Variants in ID2 observed in about 807,000 individuals in gnomAD.
The protein encoded by ID2 is inhibitor of DNA binding 2, also known as DNA-binding protein inhibitor ID-2.
A neutral mutation model predicts 8.3 loss-of-function variants in ID2; 2 were observed. That is an observed-to-expected ratio of 0.24 (90% confidence interval 0.10 to 0.76). The LOEUF (loss-of-function observed/expected upper bound fraction) is 0.76. Ranked by LOEUF, ID2 falls within the 30% of genes least tolerant of loss-of-function variation. The pLI is 0.73. For synonymous variants in ID2, 112 were observed against 72.3 expected (o/e 1.55, Z -2.79); for missense variants, 155 against 167.0 (o/e 0.93, Z 0.40).
Position 8,682,476 on chromosome 2 carries a change from C to T in ID2, c.311C>T (p.Thr104Ile), listed in dbSNP as rs911966418. The T allele has an allele frequency of 2.5e-6, 4 of 1,613,314 alleles. No individual in the cohort carries two copies. Among genetic ancestry groups the T allele is most frequent in the African/African-American group, 1.3e-5 (1 of 74,926 alleles). Residue 104 changes from threonine to isoleucine, a missense_variant, in exon 1 of 3, where the codon ACC (threonine) becomes ATC (isoleucine). By Grantham distance (89) the Thr-to-Ile change is moderately conservative (BLOSUM62 -1). Around this residue, in one of 3 missense-constraint regions of ID2, gnomAD observed 75 missense variants for 72.2 expected, o/e 1.04. Coordinates refer to ENST00000396290, the MANE Select transcript of ID2 (RefSeq NM_002166.5). ...AACCAGGCGTCCAGGACGCCGCTGA[C>T]CACCCTCAACACGGATATCAGCATC... ...GQNQASRTPL[T>I]TLNTDISILS...
In ID2 at chr2:8,682,793, T is replaced by C. The variant is rs769283815; in HGVS notation, c.349-50T>C. The C allele has an allele frequency of 1.5e-5, 20 of 1,350,204 alleles. No homozygotes were observed. The South Asian group carries it at 1.6e-4, about 11-fold the overall frequency. The allele number at this position is 1,350,204 out of a possible 1,614,324, so 83.6% of individuals were successfully genotyped here. ...AAAAAAAAAAAAAAAAAAAACCCTT[T>C]CTACTTAACATTGTCTTAACCTCGT... On this transcript the variant is annotated intron_variant, in intron 1 of 2. Coordinates refer to ENST00000396290, the MANE Select transcript of ID2 (RefSeq NM_002166.5).
At position 8,684,388 on chromosome 2, in the gene ID2, CAAAT is replaced by C. The variant is rs909958590; in HGVS notation, c.*717_*720del. The C allele has an allele frequency of 3.3e-5, 5 of 152,458 alleles. No homozygotes were observed. Among genetic ancestry groups the C allele is most frequent in the South Asian group, 4.1e-4 (2 of 4,824 alleles). 9.4% of individuals were successfully genotyped at this position (152,458 alleles called of 1,614,324 possible). ...TATTATGCTATGTTATAACTGAACCCAAATAAATACAAGTTCAAATTTATGTAGA... is the reference window on the plus strand; with the variant it reads ...TATTATGCTATGTTATAACTGAACCCAAATACAAGTTCAAATTTATGTAGA... On this transcript the variant is annotated 3_prime_UTR_variant, in exon 3 of 3. Coordinates refer to ENST00000396290, the MANE Select transcript of ID2 (RefSeq NM_002166.5).
In ID2 at chr2:8,683,823, G is replaced by T. The variant is rs1662163647; in HGVS notation, c.*146G>T. The T allele has an allele frequency of 6.6e-6, 1 of 152,126 alleles. No individual in the cohort carries two copies. The highest frequency in any genetic ancestry group is 2.4e-5 in the African/African-American group (1 of 41,376). The allele number at this position is 152,126 out of a possible 1,614,324, so 9.4% of individuals were successfully genotyped here. On this transcript the variant is annotated 3_prime_UTR_variant, in exon 3 of 3. Transcript: ENST00000396290. ...ACCTTTTTAAAAAGAAAAAAAAAAT[G>T]GAAGGAAAACTAAGAATGATCATCT... is the stretch of plus-strand genomic sequence containing the variant.
At chr2:8,683,009 T>A (rs1662131141) in intron 2 of ID2, 103 bp downstream of exon 2, 8 of 871,956 alleles carry the variant, frequency 9.2e-6, no homozygotes, top group Non-Finnish European at 1.6e-5. Context: ...TCTGATTTGG[T>A]AAATGCATGC....
chr2:8,682,826 ATCC>A lies in ID2; in HGVS notation c.349-14_349-12del, dbSNP rs1558273146. ...ACATTGTCTTAACCTCGTACTCTTT[ATCC>A]TCTTTCTTTCCAGGCTTCTGAATTC... On this transcript the variant is annotated splice_polypyrimidine_tract_variant and intron_variant, in intron 1 of 2. Coordinates refer to ENST00000396290, the MANE Select transcript of ID2 (RefSeq NM_002166.5). The A allele has an allele frequency of 1.9e-6, 3 of 1,560,492 alleles. No individual in the cohort carries two copies. The highest frequency in any genetic ancestry group is 2.6e-6 in the Non-Finnish European group (3 of 1,134,424).
intron 2 of ID2, 44 bp downstream of exon 2, chr2:8,682,950 T>C: frequency 7.0e-7 from 1 of 1,438,028 alleles, no homozygotes; most frequent in Non-Finnish European, 9.8e-7. Context: ...TGCCCCTCGG[T>C]GTGTGTGCGC....
In ID2 at chr2:8,682,472, C is replaced by T. The variant is rs563026346; in HGVS notation, c.307C>T (p.Leu103=). 1 of 1,613,512 alleles carries T rather than the reference C, an allele frequency of 6.2e-7. No individual in the cohort carries two copies. The highest frequency in any genetic ancestry group is 1.7e-5 in the Admixed American group (1 of 60,028). The change falls in exon 1 of 3, where the codon CTG becomes TTG. Residue 103 remains leucine, a synonymous_variant. Transcript: ENST00000396290. The stretch of plus-strand genomic sequence containing the variant: ...GCAGAACCAGGCGTCCAGGACGCCG[C>T]TGACCACCCTCAACACGGATATCAG... ...PGQNQASRTP[L]TTLNTDISIL... is the part of the protein sequence containing the mutation.
At position 8,682,433 on chromosome 2, in the gene ID2, C is replaced by T; in HGVS notation, c.268C>T (p.His90Tyr). 2.5e-6 allele frequency: 4 copies of T among 1,613,794 alleles called. No individual in the cohort carries two copies. Among genetic ancestry groups the T allele is most frequent in the Non-Finnish European group, 3.4e-6 (4 of 1,180,024 alleles). ...DSHPTIVSLHHQRPGQNQASR... is the reference protein window; with the variant it reads ...DSHPTIVSLHYQRPGQNQASR... ...GCATCCCACTATTGTCAGCCTGCAT[C>T]ACCAGAGACCCGGGCAGAACCAGGC... The change falls in exon 1 of 3, where the codon CAC becomes TAC. Residue 90 changes from histidine to tyrosine, a missense_variant. Around this residue, in one of 3 missense-constraint regions of ID2, gnomAD observed 75 missense variants for 72.2 expected, o/e 1.04. Transcript: ENST00000396290.
At chr2:8,683,624 C>T (rs1662156044) in intron 2 of ID2, 61 bp from the exon 3 acceptor site, 1 of 152,346 alleles carries the variant, frequency 6.6e-6, no homozygotes, top group Non-Finnish European at 1.5e-5. Context: ...GCGCCAGTCG[C>T]CCGCCTCTGC....
rs1216250713 is a variant in ID2 at position 8,684,332 on chromosome 2, CTTTA to C, written c.*659_*662del. On this transcript the variant is annotated 3_prime_UTR_variant, in exon 3 of 3. Coordinates refer to ENST00000396290, the MANE Select transcript of ID2 (RefSeq NM_002166.5). The stretch of plus-strand genomic sequence containing the variant: ...GTGTTTATTGAATGGTGATTGCCTG[CTTTA>C]TTTCAGAGGACCAGTGCTTTGATTT... 1 of 152,448 alleles carries C rather than the reference CTTTA, an allele frequency of 6.6e-6. No homozygotes were observed. The highest frequency in any genetic ancestry group is 1.5e-5 in the Non-Finnish European group (1 of 68,022). The allele number at this position is 152,448 out of a possible 1,614,324, so 9.4% of individuals were successfully genotyped here.
chr2:8,682,178 A>C lies in ID2; in HGVS notation c.13A>C (p.Ser5Arg), dbSNP rs1280940630. 3.7e-6 allele frequency: 6 copies of C among 1,613,296 alleles called. No homozygotes were observed. In the South Asian group the frequency reaches 6.6e-5, roughly 18 times the overall value. ...CCTCGCGGTCAGCATGAAAGCCTTCAGTCCCGTGAGGTCCGTTAGGAAAAA... is the reference window on the plus strand; with the variant it reads ...CCTCGCGGTCAGCATGAAAGCCTTCCGTCCCGTGAGGTCCGTTAGGAAAAA... MKAFSPVRSVRKNSL... is the reference protein window; with the variant it reads MKAFRPVRSVRKNSL... The change falls in exon 1 of 3, where the codon AGT (serine) becomes CGT (arginine). Residue 5 changes from serine (S) to arginine (R), a missense_variant. By Grantham distance (110) the Ser-to-Arg change is moderately radical. Transcript: ENST00000396290.
In ID2 at chr2:8,683,993, A is replaced by C. The variant is rs925485420; in HGVS notation, c.*316A>C. ...ACGTTAAAATCACAAGGAATTGCCC[A>C]ATCTAAGCAGACTTTGCCTTTTTTC... On this transcript the variant is annotated 3_prime_UTR_variant, in exon 3 of 3. Coordinates refer to ENST00000396290, the MANE Select transcript of ID2 (RefSeq NM_002166.5). 3 of 152,522 alleles carry C rather than the reference A, an allele frequency of 2.0e-5. No homozygotes were observed. The highest frequency in any genetic ancestry group is 2.9e-5 in the Non-Finnish European group (2 of 68,044). 9.4% of individuals were successfully genotyped at this position (152,522 alleles called of 1,614,324 possible). A position where few individuals can be genotyped will look rare whatever the true frequency, so the allele number is the denominator to read the frequency against.
At chr2:8,682,605 T>A in intron 1 of ID2, 92 bp downstream of exon 1, 1 of 908,708 alleles carries the variant, frequency 1.1e-6, no homozygotes, top group Non-Finnish European at 1.7e-6. Flanking sequence ...AGACGGTGAC[T>A]TTCGTATGAG....
At position 8,682,171 on chromosome 2, in the gene ID2, A is replaced by AGCCTTCAGTCCC; in HGVS notation, c.8_19dup (p.Ala3_Pro6dup). The AGCCTTCAGTCCC allele has an allele frequency of 6.2e-7, 1 of 1,612,806 alleles. No individual in the cohort carries two copies. The highest frequency in any genetic ancestry group is 1.1e-5 in the South Asian group (1 of 91,072). ...CGCCTTCCCTCGCGGTCAGCATGAA[A>AGCCTTCAGTCCC]GCCTTCAGTCCCGTGAGGTCCGTTA... On this transcript the variant is annotated inframe_insertion, in exon 1 of 3. Coordinates refer to ENST00000396290, the MANE Select transcript of ID2 (RefSeq NM_002166.5).
At chr2:8,682,771 A>C in intron 1 of ID2, 72 bp from the exon 2 acceptor site, 4 of 1,094,772 alleles carry the variant, frequency 3.7e-6, no homozygotes, top group East Asian at 2.3e-5. Context: ...ACAAAAAAAA[A>C]AAAAAAAAAA....
At chr2:8,682,602 G>A (rs896208370) in intron 1 of ID2, 89 bp downstream of exon 1, 1 of 952,754 alleles carries the variant, frequency 1.0e-6, no homozygotes, top group African/African-American at 1.6e-5. Context: ...CCCAGACGGT[G>A]ACTTTCGTAT....
chr2:8,682,714 A>G, intron 1 of ID2, 129 bp from the exon 2 acceptor site: 3 of 797,458 alleles, frequency 3.8e-6, no homozygotes, highest in Non-Finnish European at 6.2e-6. Flanking sequence ...TTTAAATCTG[A>G]ATTGTTACCA....
chr2:8,683,053 C>A (rs1662134572), intron 2 of ID2, 147 bp downstream of exon 2: 6 of 681,052 alleles, frequency 8.8e-6, no homozygotes, highest in South Asian at 6.5e-5. Flanking sequence ...TACATTGTCT[C>A]ACTAGACATG....
Position 8,682,321 on chromosome 2 carries a change from C to T in ID2, c.156C>T (p.Ser52=), listed in dbSNP as rs1662103420. 6.2e-7 allele frequency: 1 copy of T among 1,614,030 alleles called. No individual in the cohort carries two copies. The highest frequency in any genetic ancestry group is 1.3e-5 in the African/African-American group (1 of 74,938). Residue 52 remains serine (S), a synonymous_variant, in exon 1 of 3, where the codon AGC becomes AGT. Coordinates refer to ENST00000396290, the MANE Select transcript of ID2 (RefSeq NM_002166.5). The part of the protein sequence containing the change: ...CYSKLKELVP[S]IPQNKKVSKM... ...CCAAGCTCAAGGAGCTGGTGCCCAG[C>T]ATCCCCCAGAACAAGAAGGTGAGCA...
Sources: allele counts gnomAD v4.1 joint callset, GRCh38; gene constraint gnomAD v4.1.1; regional missense constraint gnomAD v4.1.1; transcripts MANE v1.5; gene names NCBI Gene and HGNC (gene_info 2026-07-23, HGNC 2026-07-21).